The following GFRA2 variants were observed in gnomAD, a reference collection of about 807,000 sequenced individuals.
The protein encoded by GFRA2 is GDNF family receptor alpha 2, also known as GDNF family receptor alpha-2.
Under a neutral mutation model 48.3 loss-of-function variants are expected in GFRA2, and 17 were observed. The ratio of observed to expected loss-of-function variants is 0.35; its 90% CI spans 0.24 to 0.53. The LOEUF (loss-of-function observed/expected upper bound fraction) is 0.53. Among genes scored for constraint, GFRA2 ranks in the 20% least tolerant of loss-of-function variants. GFRA2 has a pLI of 0.93. For missense variants in GFRA2, 660 were observed against 637.3 expected (o/e 1.04, Z -0.38); for synonymous variants, 305 against 257.2 (o/e 1.19, Z -1.78).
At chr8:21,771,619 C>T (rs754539402) in intron 3 of GFRA2, among the ~76,000 whole-genome samples, 5 of 152,154 alleles carry the variant, frequency 3.3e-5, no homozygotes, top group African/African-American at 7.2e-5. Flanking sequence ...TACGACTTTC[C>T]GAGAACCCCA....
At chr8:21,772,106 T>C (rs1806464653) in intron 3 of GFRA2, among the ~76,000 whole-genome samples, 1 of 152,122 alleles carries the variant, frequency 6.6e-6, no homozygotes, top group South Asian at 2.1e-4. Flanking sequence ...CTGTGTGCCT[T>C]GATGGGACAA....
intron 3 of GFRA2, among the ~76,000 whole-genome samples, chr8:21,763,735 C>G (rs36196656): frequency 2.0e-5 from 3 of 151,162 alleles, no homozygotes; most frequent in African/African-American, 7.3e-5. Flanking sequence ...ACCCTGACCC[C>G]CTGACCCAAA....
chr8:21,728,365 C>T (rs1160884237), intron 4 of GFRA2, among the ~76,000 whole-genome samples: 1 of 147,916 alleles, frequency 6.8e-6, no homozygotes, highest in Non-Finnish European at 1.5e-5. Flanking sequence ...ACCTCTGCCT[C>T]CCGGGTTCAA....
At chr8:21,778,147 C>T (rs1806801736) in intron 2 of GFRA2, among the ~76,000 whole-genome samples, 1 of 152,182 alleles carries the variant, frequency 6.6e-6, no homozygotes, top group Non-Finnish European at 1.5e-5. Flanking sequence ...CACATCGCTC[C>T]TCTCAGCGAT....
At chr8:21,769,235 G>GGCCCCAGTCCC in intron 3 of GFRA2, 1 of 940,250 alleles carries the variant, frequency 1.1e-6, no homozygotes. Context: ...TCCGAAGTCT[G>GGCCCCAGTCCC]GCCCCAGCCC....
chr8:21,755,101 G>C (rs1269535852), intron 3 of GFRA2, among the ~76,000 whole-genome samples: 2 of 152,112 alleles, frequency 1.3e-5, no homozygotes, highest in Non-Finnish European at 2.9e-5. Context: ...AGCATTTTTA[G>C]GGCAATGAAA....
chr8:21,712,661 G>A (rs901291045), intron 4 of GFRA2, among the ~76,000 whole-genome samples: 1 of 152,134 alleles, frequency 6.6e-6, no homozygotes, highest in African/African-American at 2.4e-5. Flanking sequence ...CAGGCGGCTG[G>A]GAGGTGGAGG....
intron 6 of GFRA2, 104 bp downstream of exon 6, chr8:21,704,881 C>G (rs376702759): frequency 2.4e-5 from 22 of 930,798 alleles, no homozygotes; most frequent in Non-Finnish European, 3.6e-5. Context: ...GAAGCCTCAT[C>G]TACATCACCA....
chr8:21,768,366 G>A (rs745328195), intron 3 of GFRA2, among the ~76,000 whole-genome samples: 1 of 152,180 alleles, frequency 6.6e-6, no homozygotes. Context: ...CACCATGAAG[G>A]GGGCAGGGAG....
At chr8:21,735,310 C>A (rs1804398159) in intron 4 of GFRA2, among the ~76,000 whole-genome samples, 1 of 152,184 alleles carries the variant, frequency 6.6e-6, no homozygotes, top group East Asian at 1.9e-4. Flanking sequence ...ACAGCCACTG[C>A]CTTTCTATAT....
intron 4 of GFRA2, among the ~76,000 whole-genome samples, chr8:21,716,353 ACT>A (rs1254790453): frequency 1.3e-5 from 2 of 151,814 alleles, no homozygotes; most frequent in Admixed American, 6.6e-5. Flanking sequence ...TATTTAGGTC[ACT>A]CTCTAATTCT....
In GFRA2 at chr8:21,726,943, C is replaced by T. The variant is rs185312505; in HGVS notation, c.795-20902G>A. On this transcript the variant is annotated intron_variant, in intron 4 of 8. Coordinates refer to ENST00000524240, the MANE Select transcript of GFRA2 (RefSeq NM_001495.5). ...AATTTTGTATTTATAGTAGAGACTG[C>T]GTTTCACCATGTTGACCAGGATGGT... Among the ~76,000 whole-genome samples the T allele has an allele frequency of 4.8e-4, 73 of 151,860 alleles. 1 individual carries two copies. Among genetic ancestry groups the T allele is most frequent in the South Asian group, 4.6e-3 (22 of 4,804 alleles).
At chr8:21,796,049 G>A (rs1181826157) in intron 2 of GFRA2, among the ~76,000 whole-genome samples, 1 of 152,160 alleles carries the variant, frequency 6.6e-6, no homozygotes, top group Non-Finnish European at 1.5e-5. Context: ...CTTCACAGCT[G>A]CCCGATAGCA....
chr8:21,759,027 G>C (rs1563251615), intron 3 of GFRA2, among the ~76,000 whole-genome samples: 1 of 152,132 alleles, frequency 6.6e-6, no homozygotes, highest in Admixed American at 6.5e-5. Context: ...GCTGTGTGCA[G>C]GAAAGAAAGA....
chr8:21,795,447 C>T (rs1435690820), intron 2 of GFRA2, among the ~76,000 whole-genome samples: 6 of 151,246 alleles, frequency 4.0e-5, no homozygotes, highest in African/African-American at 1.5e-4. Context: ...GGCCGGAGTG[C>T]TGTGGCACAA....
chr8:21,720,486 T>C (rs1310038004), intron 4 of GFRA2, among the ~76,000 whole-genome samples: 1 of 152,178 alleles, frequency 6.6e-6, no homozygotes, highest in African/African-American at 2.4e-5. Flanking sequence ...TGTGTATTTC[T>C]AGTCTAAGTC....
At position 21,725,538 on chromosome 8, in the gene GFRA2, T is replaced by A. The variant is rs6991299; in HGVS notation, c.795-19497A>T. Among the ~76,000 whole-genome samples, 1,299 of 152,346 alleles carry A rather than the reference T, an allele frequency of 8.5e-3. 21 individuals carry two copies. The highest frequency in any genetic ancestry group is 0.03 in the African/African-American group (1,247 of 41,564). On this transcript the variant is annotated intron_variant, in intron 4 of 8. Transcript: ENST00000524240. Reference sequence around the variant, plus strand: ...TTTCCTTTTAGTCTTGCCTTTACATTTACTAAGAGACCAACCAAACTCAAA... The same window carrying A: ...TTTCCTTTTAGTCTTGCCTTTACATATACTAAGAGACCAACCAAACTCAAA...
intron 1 of GFRA2, among the ~76,000 whole-genome samples, chr8:21,785,532 A>G (rs2117083291): frequency 6.6e-6 from 1 of 152,366 alleles, no homozygotes; most frequent in African/African-American, 2.4e-5. Flanking sequence ...ACTTTGATCC[A>G]TCAAGACACA....
At chr8:21,697,186 A>AAG (rs1802248404) in intron 7 of GFRA2, among the ~76,000 whole-genome samples, 1 of 24,050 alleles carries the variant, frequency 4.2e-5, no homozygotes, top group Non-Finnish European at 8.4e-5. Context: ...GACAGAGGAG[A>AAG]GGGAGAGGGG....
Sources: gnomAD v4.1 joint callset for allele counts (sites outside exome capture counted in the v4.1 genomes callset) on GRCh38, gnomAD v4.1.1 for gene constraint, MANE v1.5 for transcripts, NCBI Gene and HGNC (gene_info 2026-07-23, HGNC 2026-07-21) for gene names.